The following MYH15 variants were observed in gnomAD, a reference collection of about 807,000 sequenced individuals.
MYH15 encodes myosin heavy chain 15.
MYH15 carries 227 observed loss-of-function variants against 240.5 expected under a neutral mutation model. That is an observed-to-expected ratio of 0.94 (90% CI 0.85 to 1.05). MYH15 has a LOEUF of 1.05. MYH15 is among the 50% of genes least tolerant of loss of function. MYH15 has a pLI of 0.00. For synonymous variants in MYH15, 785 were observed against 796.7 expected, an observed-to-expected ratio of 0.99 and a Z score of 0.25; for missense variants, 2,217 against 2,247.5, an observed-to-expected ratio of 0.99 and a Z score of 0.27.
chr3:108,383,625 G>C lies in MYH15; in HGVS notation c.5736C>G (p.Leu1912=). Residue 1912 remains leucine (L), a synonymous_variant, in exon 40 of 41, where the codon CTC becomes CTG. Transcript: ENST00000693548. ...AEVAESQVNK[L]KIKAREFGKK... is the part of the protein sequence containing the mutation. ...TCCCAAACTCTCTTGCTTTAATTTT[G>C]AGTTTATTGACTTGAGATTCTGCCA... 6.2e-7 allele frequency: 1 copy of C among 1,612,746 alleles called. No individual in the cohort carries two copies. The highest frequency in any genetic ancestry group is 8.5e-7 in the Non-Finnish European group (1 of 1,179,550).
chr3:108,519,131 T>A (rs2083597742), intron 1 of MYH15, among the ~76,000 whole-genome samples: 1 of 152,166 alleles, frequency 6.6e-6, no homozygotes, highest in Non-Finnish European at 1.5e-5. Context: ...GAAAAGCATC[T>A]AACCAAGATG....
chr3:108,477,364 T>C (rs541749631), intron 11 of MYH15, among the ~76,000 whole-genome samples: 1 of 152,262 alleles, frequency 6.6e-6, no homozygotes, highest in South Asian at 2.1e-4. Context: ...AAAAGTTTAT[T>C]TTTGTGATAA....
chr3:108,532,844 C>T (rs553666422), upstream of MYH15, among the ~76,000 whole-genome samples: 21 of 152,306 alleles, frequency 1.4e-4, no homozygotes, highest in African/African-American at 5.1e-4. Context: ...CCATGCCTAT[C>T]TGGATGATGA....
chr3:108,381,519 C>T lies in MYH15; in HGVS notation c.*26G>A. The T allele has an allele frequency of 6.2e-7, 1 of 1,612,920 alleles. No homozygotes were observed. Among genetic ancestry groups the T allele is most frequent in the Admixed American group, 1.7e-5 (1 of 60,020 alleles). On this transcript the variant is annotated 3_prime_UTR_variant, in exon 41 of 41. Transcript: ENST00000693548. ...CAGCACCTTCCTTGTACTTCTCCAG[C>T]TGTTGTCCTTTCAAAGCAGGGGATG...
At chr3:108,483,202 T>TAAAAAAAAA (rs58381577) in intron 11 of MYH15, among the ~76,000 whole-genome samples, 1 of 81,106 alleles carries the variant, frequency 1.2e-5, no homozygotes, top group Non-Finnish European at 2.6e-5. Context: ...TCTGTCTCCA[T>TAAAAAAAAA]AAAAAAAAAA....
chr3:108,536,277 C>CAA, the MYH15 span, among the ~76,000 whole-genome samples: 1 of 151,920 alleles, frequency 6.6e-6, no homozygotes, highest in South Asian at 2.1e-4. Flanking sequence ...AAAAACAAAA[C>CAA]AAAACAAAAC....
chr3:108,483,379 A>G (rs2083281682), intron 11 of MYH15, among the ~76,000 whole-genome samples: 1 of 151,942 alleles, frequency 6.6e-6, no homozygotes, highest in Non-Finnish European at 1.5e-5. Flanking sequence ...CAAAACCACA[A>G]TAAGATACCA....
At chr3:108,464,474 T>C (rs903241571) in intron 15 of MYH15, among the ~76,000 whole-genome samples, 164 bp downstream of exon 15, 6 of 152,250 alleles carry the variant, frequency 3.9e-5, no homozygotes, top group Non-Finnish European at 7.3e-5. Flanking sequence ...GTTCATTTCC[T>C]GAGTGCTAAA....
chr3:108,539,414 T>C, the MYH15 span, among the ~76,000 whole-genome samples: 8 of 152,142 alleles, frequency 5.3e-5, no homozygotes, highest in Non-Finnish European at 1.0e-4. Flanking sequence ...TGGGAAAACA[T>C]GTGTTGTGCA....
intron 16 of MYH15, among the ~76,000 whole-genome samples, chr3:108,462,453 G>A (rs979599968): frequency 1.6e-4 from 24 of 151,892 alleles, no homozygotes; most frequent in African/African-American, 5.6e-4. Context: ...TTGTTCCTGT[G>A]AGAAGTTAAG....
chr3:108,472,186 G>T (rs2083183615), intron 12 of MYH15, among the ~76,000 whole-genome samples: 1 of 152,204 alleles, frequency 6.6e-6, no homozygotes, highest in African/African-American at 2.4e-5. Context: ...CAACCTTTGT[G>T]CCTGGATGAT....
At chr3:108,440,043 C>A (rs927470001) in intron 23 of MYH15, 130 bp from the exon 24 acceptor site, 15 of 704,984 alleles carry the variant, frequency 2.1e-5, no homozygotes, top group Admixed American at 1.1e-4. Flanking sequence ...CTGTATTTAG[C>A]CAAATTCCTG....
At chr3:108,441,318 G>T in intron 22 of MYH15, 58 bp from the exon 23 acceptor site, 1 of 1,591,384 alleles carries the variant, frequency 6.3e-7, no homozygotes, top group Non-Finnish European at 8.6e-7. Flanking sequence ...TCAGCTAGGC[G>T]AAAATGCTGC....
At chr3:108,417,796 T>TATAC (rs1194923951) in intron 28 of MYH15, among the ~76,000 whole-genome samples, 18 of 146,938 alleles carry the variant, frequency 1.2e-4, no homozygotes, top group African/African-American at 2.5e-4. Flanking sequence ...TATATATATA[T>TATAC]ACACACACAC....
intron 1 of MYH15, among the ~76,000 whole-genome samples, chr3:108,520,181 C>A (rs1341481208): frequency 2.0e-5 from 3 of 152,130 alleles, no homozygotes; most frequent in Non-Finnish European, 4.4e-5. Context: ...AAAAGACATA[C>A]ATTCTCCAAA....
chr3:108,486,440 C>T lies in MYH15; in HGVS notation c.958G>A (p.Glu320Lys). The change falls in exon 10 of 41, where the codon GAA becomes AAA. Residue 320 changes from glutamate to lysine, a missense_variant. Coordinates refer to ENST00000693548, the MANE Select transcript of MYH15 (RefSeq NM_014981.3). ...VTVESLDDAE[E>K]LLATEQAMDI... Reference sequence around the variant, plus strand: ...AGCCTTACTTCTGTGGCCAGCAATTCTTCAGCATCATCCAAGCTCTCCACA... The same window carrying T: ...AGCCTTACTTCTGTGGCCAGCAATTTTTCAGCATCATCCAAGCTCTCCACA... 1 of 1,611,654 alleles carries T rather than the reference C, an allele frequency of 6.2e-7. No individual in the cohort carries two copies. Among genetic ancestry groups the T allele is most frequent in the East Asian group, 2.2e-5 (1 of 44,858 alleles).
chr3:108,417,876 T>C (rs903011869), intron 28 of MYH15, among the ~76,000 whole-genome samples: 1 of 152,052 alleles, frequency 6.6e-6, no homozygotes, highest in African/African-American at 2.4e-5. Flanking sequence ...TGTACATGCA[T>C]ATATCTTTTT....
In MYH15 at chr3:108,501,837, C is replaced by T. The variant is rs776063061; in HGVS notation, c.214G>A (p.Asp72Asn). ...ADGESLSIKE[D>N]KIQQMNPPEF... is the part of the protein sequence containing the mutation. ...GGAGGATTCATCTGCTGGATTTTGTCCTCCTTTATGCTCAGACTCTGCAGA... is the reference window on the plus strand; with the variant it reads ...GGAGGATTCATCTGCTGGATTTTGTTCTCCTTTATGCTCAGACTCTGCAGA... The change falls in exon 3 of 41, where the codon GAC becomes AAC. Residue 72 changes from aspartate (D) to asparagine (N), a missense_variant. Transcript: ENST00000693548. 9 of 1,613,806 alleles carry T rather than the reference C, an allele frequency of 5.6e-6. No homozygotes were observed. Among genetic ancestry groups the T allele is most frequent in the Admixed American group, 3.3e-5 (2 of 59,988 alleles).
At chr3:108,431,518 C>T (rs2082779320) in intron 25 of MYH15, among the ~76,000 whole-genome samples, 1 of 152,236 alleles carries the variant, frequency 6.6e-6, no homozygotes, top group South Asian at 2.1e-4. Context: ...TTGCCTTCCA[C>T]CATGATTGTG....
Sources: gnomAD v4.1 joint callset for allele counts (sites outside exome capture counted in the v4.1 genomes callset) on GRCh38, gnomAD v4.1.1 for gene constraint, MANE v1.5 for transcripts, NCBI Gene and HGNC (gene_info 2026-07-23, HGNC 2026-07-21) for gene names.